The following TBCK variants were observed in gnomAD, a reference collection of about 807,000 sequenced individuals.
The protein encoded by TBCK is TBC domain-containing protein kinase-like protein.
A neutral mutation model predicts 113.4 loss-of-function variants in TBCK; 99 were observed. The observed-to-expected ratio is 0.87, with a 90% confidence interval of 0.74 to 1.03. TBCK has a LOEUF of 1.03. Ranked by LOEUF, TBCK falls within the 50% of genes least tolerant of loss-of-function variation. The pLI is 0.00. For missense variants in TBCK, 1,045 were observed against 1,061.3 expected (o/e 0.98, Z 0.21); for synonymous variants, 369 against 370.8 (o/e 1.00, Z 0.05).
chr4:106,265,229 T>C (rs1762883427), intron 3 of TBCK, among the ~76,000 whole-genome samples: 1 of 151,936 alleles, frequency 6.6e-6, no homozygotes. Context: ...AGATGATAAC[T>C]GGAACTATTT....
rs200792669 is a variant in TBCK, at chr4:106,226,208, T to C, written c.1774+4155A>G. On this transcript the variant is annotated intron_variant, in intron 19 of 25. Coordinates refer to ENST00000394708, the MANE Select transcript of TBCK (RefSeq NM_001163435.3). ...GCCTGCAATTAGAAAGTGTGGAAATTTGTCTTTTTCATATTGGAAATTCAT... is the reference window on the plus strand; with the variant it reads ...GCCTGCAATTAGAAAGTGTGGAAATCTGTCTTTTTCATATTGGAAATTCAT... Among the ~76,000 whole-genome samples the C allele has an allele frequency of 2.8e-4, 42 of 152,266 alleles. No individual in the cohort carries two copies. The East Asian group carries it at 7.7e-3, about 28-fold the overall frequency.
intron 3 of TBCK, among the ~76,000 whole-genome samples, chr4:106,284,598 C>T (rs1215236870): frequency 6.6e-6 from 1 of 152,122 alleles, no homozygotes; most frequent in Non-Finnish European, 1.5e-5. Flanking sequence ...GCCCACCCTG[C>T]ATTCACCTGC....
intron 20 of TBCK, among the ~76,000 whole-genome samples, chr4:106,211,185 C>T (rs1756088206): frequency 6.6e-6 from 1 of 152,004 alleles, no homozygotes. Context: ...CTTTTTTAGT[C>T]TAAATTTTAA....
intron 12 of TBCK, among the ~76,000 whole-genome samples, chr4:106,241,771 T>C (rs774391160): frequency 9.9e-5 from 15 of 151,946 alleles, no homozygotes; most frequent in African/African-American, 1.4e-4. Context: ...ATTATTTAAA[T>C]CTTTTATAAG....
intron 25 of TBCK, among the ~76,000 whole-genome samples, chr4:106,088,691 G>T (rs60697569): frequency 5.5e-4 from 83 of 152,072 alleles, no homozygotes; most frequent in Admixed American, 1.5e-3. Flanking sequence ...TGATAGACTG[G>T]ATAAAGAAAA....
At chr4:106,123,070 A>G (rs1439183679) in intron 23 of TBCK, among the ~76,000 whole-genome samples, 1 of 152,220 alleles carries the variant, frequency 6.6e-6, no homozygotes, top group Non-Finnish European at 1.5e-5. Context: ...CAATTAGGAA[A>G]AGAGGAAGTC....
intron 11 of TBCK, 97 bp downstream of exon 11, chr4:106,244,529 A>T (rs138677147): frequency 1.0e-4 from 9 of 88,132 alleles, no homozygotes; most frequent in Non-Finnish European, 1.2e-4. Flanking sequence ...CAACCAATTT[A>T]AAAAAAAAAA....
At chr4:106,073,887 G>C (rs960438102) in intron 25 of TBCK, among the ~76,000 whole-genome samples, 5 of 152,222 alleles carry the variant, frequency 3.3e-5, no homozygotes, top group African/African-American at 4.8e-5. Context: ...TGCCAGCAGT[G>C]AGCAAGGTTC....
chr4:106,114,673 A>G (rs1303637233), intron 24 of TBCK, among the ~76,000 whole-genome samples: 1 of 152,208 alleles, frequency 6.6e-6, no homozygotes, highest in Admixed American at 6.5e-5. Flanking sequence ...CTGGCAACAG[A>G]CAACCTACAG....
chr4:106,109,182 C>A (rs79170410), intron 24 of TBCK, among the ~76,000 whole-genome samples: 1,768 of 152,208 alleles, frequency 0.012, 31 homozygotes, highest in African/African-American at 0.039. Context: ...GGATCAATAT[C>A]ATGAAAATGG....
chr4:106,159,827 CT>C (rs1445662735), intron 23 of TBCK, among the ~76,000 whole-genome samples: 1 of 151,954 alleles, frequency 6.6e-6, no homozygotes, highest in Non-Finnish European at 1.5e-5. Flanking sequence ...ACAAAACAAT[CT>C]TGAAAAGAAA....
At chr4:106,133,624 T>C (rs970549877) in intron 23 of TBCK, among the ~76,000 whole-genome samples, 1 of 152,218 alleles carries the variant, frequency 6.6e-6, no homozygotes, top group Admixed American at 6.5e-5. Context: ...TACTCTACCA[T>C]TTACATGAAG....
rs201803551 is a variant in TBCK at position 106,212,781 on chromosome 4, T to C, written c.1829A>G (p.Asn610Ser). Residue 610 changes from asparagine (N) to serine (S), a missense_variant, in exon 20 of 26, where the codon AAT becomes AGT. Coordinates refer to ENST00000394708, the MANE Select transcript of TBCK (RefSeq NM_001163435.3). ...AATGAAACCAATCTCATTGAGATGA[T>C]TACTCAGCTCTGGATCATGAAATGC... ...MIAFHDPELS[N>S]HLNEIGFIPD... The C allele has an allele frequency of 9.3e-6, 15 of 1,612,426 alleles. No homozygotes were observed. In the East Asian group the frequency reaches 1.8e-4, roughly 19 times the overall value.
chr4:106,130,078 T>C (rs1180299956), intron 23 of TBCK, among the ~76,000 whole-genome samples: 1 of 152,198 alleles, frequency 6.6e-6, no homozygotes, highest in African/African-American at 2.4e-5. Context: ...ATTTACTCCA[T>C]TACTGCTTTC....
chr4:106,212,047 G>A (rs1011753063), intron 20 of TBCK, among the ~76,000 whole-genome samples: 1 of 151,934 alleles, frequency 6.6e-6, no homozygotes. Flanking sequence ...ATTTTTTAAT[G>A]TCAAATGTAA....
Position 106,236,532 on chromosome 4 carries a change from AC to A in TBCK, c.1221-14del. 6.8e-7 allele frequency: 1 copy of A among 1,474,498 alleles called. No homozygotes were observed. Among genetic ancestry groups the A allele is most frequent in the Non-Finnish European group, 9.0e-7 (1 of 1,115,100 alleles). 91.3% of individuals were successfully genotyped at this position (1,474,498 alleles called of 1,614,324 possible). A position where few individuals can be genotyped will look rare whatever the true frequency, so the allele number is the denominator to read the frequency against. On this transcript the variant is annotated splice_polypyrimidine_tract_variant and intron_variant, in intron 13 of 25. Coordinates refer to ENST00000394708, the MANE Select transcript of TBCK (RefSeq NM_001163435.3). ...TAAATTAGACTGGCTGTAAAAGAGA[AC>A]AAAAGCAATAAAAAAAAAAAATGGA...
At chr4:106,306,971 T>A (rs1270573599) in intron 2 of TBCK, among the ~76,000 whole-genome samples, 2 of 152,212 alleles carry the variant, frequency 1.3e-5, no homozygotes, top group Non-Finnish European at 2.9e-5. Context: ...AAAACAAATT[T>A]TTTTTTATCA....
chr4:106,309,644 A>C (rs1767969588), intron 1 of TBCK, among the ~76,000 whole-genome samples: 1 of 151,436 alleles, frequency 6.6e-6, no homozygotes, highest in African/African-American at 2.4e-5. Context: ...TAACCCACAC[A>C]CCACTGACAA....
chr4:106,142,198 A>G (rs544186061), intron 23 of TBCK, among the ~76,000 whole-genome samples: 2 of 96,850 alleles, frequency 2.1e-5, no homozygotes, highest in South Asian at 7.8e-4. Flanking sequence ...TCTGTAGGAT[A>G]TCTAAACAAT....
Sources: gnomAD v4.1 joint callset for allele counts (sites outside exome capture counted in the v4.1 genomes callset) on GRCh38, gnomAD v4.1.1 for gene constraint, MANE v1.5 for transcripts, NCBI Gene and HGNC (gene_info 2026-07-23, HGNC 2026-07-21) for gene names.